The following CEMIP2 variants were observed in gnomAD, a reference collection of about 807,000 sequenced individuals.
The protein encoded by CEMIP2 is cell migration inducing hyaluronidase 2.
In CEMIP2, 79 loss-of-function variants were observed where a neutral mutation model predicts 146.9. The observed-to-expected ratio is 0.54, with a 90% CI of 0.45 to 0.65. The LOEUF (loss-of-function observed/expected upper bound fraction) is 0.65. Among genes scored for constraint, CEMIP2 ranks in the 30% least tolerant of loss-of-function variants. CEMIP2 has a pLI of 0.00. For missense variants in CEMIP2, 1,596 were observed against 1,696.2 expected (o/e 0.94, Z 1.04); for synonymous variants, 601 against 606.3 (o/e 0.99, Z 0.13).
rs1824593370 is a variant in CEMIP2, at chr9:71,760,354, C to T, written c.-13+8003G>A. 4.6e-5 allele frequency among the ~76,000 whole-genome samples: 7 copies of T among 152,270 alleles called. No individual in the cohort carries two copies. The South Asian group carries it at 1.4e-3, about 32-fold the overall frequency. On this transcript the variant is annotated intron_variant, in intron 1 of 23. Transcript: ENST00000377044. The stretch of plus-strand genomic sequence containing the variant: ...CTGTTAAAATATGAATCCCTCAAAA[C>T]AAAGAGCTGCTATTTATAATGTTTA...
chr9:71,694,755 T>C (rs1393235674), intron 20 of CEMIP2, 148 bp from the exon 21 acceptor site: 7 of 600,002 alleles, frequency 1.2e-5, no homozygotes, highest in Non-Finnish European at 2.1e-5. Flanking sequence ...GAATTCCATC[T>C]TGATATTCTT....
chr9:71,744,982 G>A, intron 4 of CEMIP2, 36 bp downstream of exon 4: 1 of 1,583,742 alleles, frequency 6.3e-7, no homozygotes, highest in Non-Finnish European at 8.6e-7. Context: ...CACAGACACG[G>A]ACTCTGATAG....
At chr9:71,747,626 C>T (rs938594034) in intron 2 of CEMIP2, among the ~76,000 whole-genome samples, 1 of 152,094 alleles carries the variant, frequency 6.6e-6, no homozygotes, top group African/African-American at 2.4e-5. Flanking sequence ...GAAGAAATTC[C>T]TTTCATTAAG....
intron 4 of CEMIP2, among the ~76,000 whole-genome samples, chr9:71,743,743 A>G (rs1823991308): frequency 6.6e-6 from 1 of 152,234 alleles, no homozygotes; most frequent in Admixed American, 6.5e-5. Context: ...ATGGGTATCC[A>G]GCACTTAGCA....
At chr9:71,692,166 G>A (rs1351706890) in intron 21 of CEMIP2, among the ~76,000 whole-genome samples, 1 of 151,322 alleles carries the variant, frequency 6.6e-6, no homozygotes, top group Non-Finnish European at 1.5e-5. Flanking sequence ...CCAGATCTTA[G>A]GGAAGAGTTT....
At position 71,718,216 on chromosome 9, in the gene CEMIP2, A is replaced by T. The variant is rs973180669; in HGVS notation, c.2268-137T>A. 2.2e-5 allele frequency: 17 copies of T among 771,142 alleles called. No individual in the cohort carries two copies. The Admixed American group carries it at 5.4e-4, about 25-fold the overall frequency. The allele number at this position is 771,142 out of a possible 1,614,324, so 47.8% of individuals were successfully genotyped here. A position where few individuals can be genotyped will look rare whatever the true frequency, so the allele number is the denominator to read the frequency against. On this transcript the variant is annotated intron_variant, in intron 12 of 23. Coordinates refer to ENST00000377044, the MANE Select transcript of CEMIP2 (RefSeq NM_013390.3). ...AAAATTCTTAAGATACAACTTACTTACATTTTAAACATTCAAAGAAGAAAT... is the reference window on the plus strand; with the variant it reads ...AAAATTCTTAAGATACAACTTACTTTCATTTTAAACATTCAAAGAAGAAAT...
chr9:71,748,808 C>T (rs1474522938), intron 2 of CEMIP2, among the ~76,000 whole-genome samples: 1 of 152,188 alleles, frequency 6.6e-6, no homozygotes, highest in Non-Finnish European at 1.5e-5. Context: ...ACTAGCACTA[C>T]CTCTCCCAGA....
At chr9:71,738,523 A>C (rs1026120570) in intron 5 of CEMIP2, among the ~76,000 whole-genome samples, 1 of 151,692 alleles carries the variant, frequency 6.6e-6, no homozygotes, top group Non-Finnish European at 1.5e-5. Context: ...TCAAAAAAAA[A>C]CAAAAATTCA....
At chr9:71,749,879 T>C in intron 2 of CEMIP2, 164 bp downstream of exon 2, 2 of 600,254 alleles carry the variant, frequency 3.3e-6, no homozygotes, top group Non-Finnish European at 5.7e-6. Flanking sequence ...TTCCAACAGA[T>C]TATTGAACAA....
intron 5 of CEMIP2, among the ~76,000 whole-genome samples, chr9:71,736,844 G>T (rs986958465): frequency 2.0e-5 from 3 of 152,070 alleles, no homozygotes; most frequent in African/African-American, 7.2e-5. Flanking sequence ...CTTCTCTGTC[G>T]TCTAATTAAC....
intron 16 of CEMIP2, among the ~76,000 whole-genome samples, chr9:71,711,660 T>C (rs1223384278): frequency 6.6e-6 from 1 of 152,174 alleles, no homozygotes; most frequent in Non-Finnish European, 1.5e-5. Context: ...TATTCTGCTT[T>C]ATTCACAACC....
At chr9:71,757,099 G>A (rs2132035408) in intron 1 of CEMIP2, among the ~76,000 whole-genome samples, 1 of 152,254 alleles carries the variant, frequency 6.6e-6, no homozygotes, top group East Asian at 1.9e-4. Context: ...TTGCCCCCTA[G>A]GCTATATCAT....
intron 10 of CEMIP2, 88 bp downstream of exon 10, chr9:71,729,757 G>A: frequency 1.6e-6 from 2 of 1,284,760 alleles, no homozygotes; most frequent in South Asian, 1.2e-5. Flanking sequence ...GGTTACACTG[G>A]CACACATGAC....
At chr9:71,720,186 C>T (rs564818065) in intron 12 of CEMIP2, among the ~76,000 whole-genome samples, 30 of 152,266 alleles carry the variant, frequency 2.0e-4, no homozygotes, top group Non-Finnish European at 3.7e-4. Flanking sequence ...GATTAAATTT[C>T]CTAATTTCAA....
intron 10 of CEMIP2, among the ~76,000 whole-genome samples, chr9:71,728,303 A>ACG (rs1491281318): frequency 2.4e-3 from 59 of 24,576 alleles, no homozygotes; most frequent in Middle Eastern, 0.019. Context: ...ATATATATAC[A>ACG]TATATATATA....
intron 21 of CEMIP2, among the ~76,000 whole-genome samples, chr9:71,693,597 AAC>A (rs1413506708): frequency 1.3e-5 from 2 of 152,274 alleles, no homozygotes; most frequent in Non-Finnish European, 2.9e-5. Context: ...TTAATGAATA[AAC>A]ACAATCTACT....
intron 12 of CEMIP2, among the ~76,000 whole-genome samples, chr9:71,721,540 C>T (rs1353629423): frequency 6.6e-6 from 1 of 152,194 alleles, no homozygotes; most frequent in Admixed American, 6.5e-5. Flanking sequence ...CAGTTTTCTT[C>T]TGACCTCATG....
rs1823361976 is a variant in CEMIP2, at chr9:71,725,655, A to G, written c.2104T>C (p.Leu702=). The change falls in exon 11 of 24, where the codon TTG becomes CTG. Residue 702 remains leucine, a synonymous_variant. Transcript: ENST00000377044. ...HKEPTGESSG[L]QLLAKPELTP... is the part of the protein sequence containing the mutation. ...AGTTCTGGTTTTGCCAAGAGCTGCA[A>G]TCCACTGGATTCCCCAGTTGGTTCC... 1 of 1,613,968 alleles carries G rather than the reference A, an allele frequency of 6.2e-7. No homozygotes were observed. Among genetic ancestry groups the G allele is most frequent in the African/African-American group, 1.3e-5 (1 of 74,934 alleles).
rs141401271 is a variant in CEMIP2 at position 71,742,515 on chromosome 9, G to A, written c.1035-2283C>T. ...TGTGTTTATGTACATTGGAGATAAC[G>A]TCAATGCAATGGAACGCTGGCAAAA... On this transcript the variant is annotated intron_variant, in intron 4 of 23. Transcript: ENST00000377044. Among the ~76,000 whole-genome samples the A allele has an allele frequency of 7.7e-3, 1,170 of 152,250 alleles. 7 individuals carry two copies. Among genetic ancestry groups the A allele is most frequent in the Non-Finnish European group, 0.013 (917 of 68,026 alleles).
Sources: allele counts gnomAD v4.1 joint callset (sites outside exome capture counted in the v4.1 genomes callset), GRCh38; gene constraint gnomAD v4.1.1; transcripts MANE v1.5; gene names NCBI Gene and HGNC (gene_info 2026-07-23, HGNC 2026-07-21).